B4GALT5: variants seen among roughly 807,000 people sequenced by gnomAD.
The protein encoded by B4GALT5 is UDP-Gal:beta-GlcNAc beta-1,4-galactosyltransferase 5.
In B4GALT5, 11 loss-of-function variants were observed where a neutral mutation model predicts 45.0. The observed-to-expected ratio is 0.24, with a 90% CI of 0.15 to 0.40. The LOEUF (loss-of-function observed/expected upper bound fraction) is 0.40, where lower values mean the gene tolerates loss of function less well. Among genes scored for constraint, B4GALT5 ranks in the 10% least tolerant of loss-of-function variants. The probability of loss-of-function intolerance (pLI) is 1.00; values close to 1 mark genes in which losing one functional copy is unlikely to be tolerated. For synonymous variants in B4GALT5, 185 were observed against 182.9 expected, an observed-to-expected ratio of 1.01 and a Z score of -0.09; for missense variants, 337 against 500.2, an observed-to-expected ratio of 0.67 and a Z score of 3.11.
intron 1 of B4GALT5, among the ~76,000 whole-genome samples, chr20:49,692,022 T>G (rs977749545): frequency 1.3e-5 from 2 of 152,170 alleles, no homozygotes; most frequent in African/African-American, 4.8e-5. Context: ...CTGATTCTCC[T>G]GGCAACAACA....
intron 1 of B4GALT5, among the ~76,000 whole-genome samples, chr20:49,712,963 A>G (rs1039804603): frequency 2.7e-5 from 4 of 148,330 alleles, no homozygotes; most frequent in African/African-American, 5.0e-5. Context: ...GCCACTGAAG[A>G]GGTGAACGTG....
At chr20:49,636,616 C>T (rs1387886421) in intron 8 of B4GALT5, among the ~76,000 whole-genome samples, 157 bp from the exon 9 acceptor site, 1 of 152,162 alleles carries the variant, frequency 6.6e-6, no homozygotes, top group Admixed American at 6.5e-5. Context: ...CTATGCCAGG[C>T]TGAGTGCTGT....
intron 1 of B4GALT5, among the ~76,000 whole-genome samples, chr20:49,661,686 G>A (rs1250126701): frequency 6.6e-6 from 1 of 152,194 alleles, no homozygotes; most frequent in East Asian, 1.9e-4. Context: ...CCTTCACTGT[G>A]TGCTTTTCAG....
Position 49,642,510 on chromosome 20 carries a change from G to A in B4GALT5, c.564C>T (p.Leu188=), listed in dbSNP as rs755039225. 1 of 1,614,184 alleles carries A rather than the reference G, an allele frequency of 6.2e-7. No homozygotes were observed. ...ATGCAAACTGCAAGCGCTGGCGCTG[G>A]AGCATGGGAAGCAGGTGTCTGAACA... is the stretch of plus-strand genomic sequence containing the variant. ...PVLFRHLLPM[L]QRQRLQFAFY... is the part of the protein sequence containing the mutation. Residue 188 remains leucine, a synonymous_variant, in exon 5 of 9, where the codon CTC becomes CTT. Transcript: ENST00000371711.
At chr20:49,712,031 C>T (rs1276869139) in intron 1 of B4GALT5, among the ~76,000 whole-genome samples, 6 of 152,194 alleles carry the variant, frequency 3.9e-5, no homozygotes, top group African/African-American at 1.4e-4. Context: ...CTCTCCCTGC[C>T]CCTACCCCAG....
chr20:49,651,579 A>C (rs1391751184), intron 2 of B4GALT5, among the ~76,000 whole-genome samples: 1 of 151,640 alleles, frequency 6.6e-6, no homozygotes, highest in Non-Finnish European at 1.5e-5. Flanking sequence ...ACAGAGCGAG[A>C]CTCCGTCTCA....
chr20:49,682,546 C>G (rs2085768378), intron 1 of B4GALT5, among the ~76,000 whole-genome samples: 1 of 152,144 alleles, frequency 6.6e-6, no homozygotes, highest in Non-Finnish European at 1.5e-5. Flanking sequence ...CAGCGCTGCC[C>G]AGACAACCAC....
In B4GALT5 at chr20:49,634,385, A is replaced by T. The variant is rs1011434421; in HGVS notation, c.*1927T>A. On this transcript the variant is annotated 3_prime_UTR_variant, in exon 9 of 9. Transcript: ENST00000371711. Reference sequence around the variant, plus strand: ...AAGGCAAACAAGGCAATTAAAAAAAAATACGAAGTACTCTTCAGAAAGTAC... The same window carrying T: ...AAGGCAAACAAGGCAATTAAAAAAATATACGAAGTACTCTTCAGAAAGTAC... 5 of 152,626 alleles carry T rather than the reference A, an allele frequency of 3.3e-5. No homozygotes were observed. Among genetic ancestry groups the T allele is most frequent in the African/African-American group, 1.2e-4 (5 of 41,450 alleles). 9.5% of individuals were successfully genotyped at this position (152,626 alleles called of 1,614,324 possible).
chr20:49,641,259 C>T (rs2085576062), intron 5 of B4GALT5, among the ~76,000 whole-genome samples: 1 of 152,262 alleles, frequency 6.6e-6, no homozygotes, highest in Non-Finnish European at 1.5e-5. Flanking sequence ...GAGTACCCCG[C>T]TCCACAAAGG....
At position 49,633,456 on chromosome 20, in the gene B4GALT5, G is replaced by A. The variant is rs1312352706; in HGVS notation, c.*2856C>T. On this transcript the variant is annotated 3_prime_UTR_variant, in exon 9 of 9. Coordinates refer to ENST00000371711, the MANE Select transcript of B4GALT5 (RefSeq NM_004776.4). ...TGGTTCCTGTTTTTTTTTTTAACATGACAATTTCACACTATTAACAGCACA... is the reference window on the plus strand; with the variant it reads ...TGGTTCCTGTTTTTTTTTTTAACATAACAATTTCACACTATTAACAGCACA... The A allele has an allele frequency of 1.1e-5, 1 of 95,218 alleles. No homozygotes were observed. Among genetic ancestry groups the A allele is most frequent in the Non-Finnish European group, 2.1e-5 (1 of 48,192 alleles). 5.9% of individuals were successfully genotyped at this position (95,218 alleles called of 1,614,324 possible).
chr20:49,659,602 A>C (rs577693747), intron 1 of B4GALT5, among the ~76,000 whole-genome samples: 104 of 152,322 alleles, frequency 6.8e-4, no homozygotes, highest in South Asian at 1.2e-3. Context: ...GGGAGTAAAG[A>C]TTGCCAAACA....
chr20:49,654,239 C>T (rs4141587), intron 2 of B4GALT5, among the ~76,000 whole-genome samples: 16,516 of 152,082 alleles, frequency 0.11, 1,013 homozygotes, highest in East Asian at 0.16. Flanking sequence ...GATCAAGCTG[C>T]GCCATCTTCC....
At chr20:49,676,070 G>T (rs765951600) in intron 1 of B4GALT5, among the ~76,000 whole-genome samples, 1 of 134,628 alleles carries the variant, frequency 7.4e-6, no homozygotes, top group Non-Finnish European at 1.5e-5. Flanking sequence ...TGGCATTTTC[G>T]GAATCCCTAC....
chr20:49,661,445 G>C (rs2085664429), intron 1 of B4GALT5, among the ~76,000 whole-genome samples: 1 of 152,164 alleles, frequency 6.6e-6, no homozygotes, highest in African/African-American at 2.4e-5. Context: ...ATGTTGGCCA[G>C]ACTGGTCTTG....
chr20:49,669,951 T>C (rs192782885), intron 1 of B4GALT5, among the ~76,000 whole-genome samples: 1 of 152,346 alleles, frequency 6.6e-6, no homozygotes, highest in East Asian at 1.9e-4. Flanking sequence ...CCTTCTGAGC[T>C]AGCAAAGTAT....
chr20:49,650,834 TTC>T (rs1214009203), intron 2 of B4GALT5, among the ~76,000 whole-genome samples: 3 of 152,196 alleles, frequency 2.0e-5, no homozygotes, highest in Non-Finnish European at 4.4e-5. Flanking sequence ...CAAATATAAC[TTC>T]TTACTCTTCT....
At chr20:49,684,842 G>A (rs79784284) in intron 1 of B4GALT5, among the ~76,000 whole-genome samples, 9 of 152,260 alleles carry the variant, frequency 5.9e-5, no homozygotes, top group African/African-American at 2.2e-4. Flanking sequence ...TCTTGAGCTC[G>A]TGACCAAACT....
At chr20:49,701,663 CA>C (rs1406381848) in intron 1 of B4GALT5, among the ~76,000 whole-genome samples, 1 of 151,708 alleles carries the variant, frequency 6.6e-6, no homozygotes, top group Non-Finnish European at 1.5e-5. Context: ...CAAAAACAAA[CA>C]AAAAAAACAC....
intron 1 of B4GALT5, among the ~76,000 whole-genome samples, chr20:49,702,556 G>A (rs1028386839): frequency 1.3e-5 from 2 of 151,956 alleles, no homozygotes; most frequent in African/African-American, 4.8e-5. Flanking sequence ...TTCAGAATCC[G>A]TAAAGAACTC....
Sources: allele counts gnomAD v4.1 joint callset (sites outside exome capture counted in the v4.1 genomes callset), GRCh38; gene constraint gnomAD v4.1.1; transcripts MANE v1.5; gene names NCBI Gene and HGNC (gene_info 2026-07-23, HGNC 2026-07-21).